The following PLEK2 variants were observed in gnomAD, a reference collection of about 807,000 sequenced individuals.
PLEK2 encodes the protein pleckstrin 2.
Under a neutral mutation model 43.8 loss-of-function variants are expected in PLEK2, and 29 were observed. The ratio of observed to expected loss-of-function variants is 0.66; its 90% CI spans 0.49 to 0.90. PLEK2 has a LOEUF of 0.90. Among genes scored for constraint, PLEK2 ranks in the 40% least tolerant of loss-of-function variants. The probability of loss-of-function intolerance (pLI) is 0.00; values close to 1 mark genes in which losing one functional copy is unlikely to be tolerated. For missense variants in PLEK2, 398 were observed against 448.1 expected (o/e 0.89, Z 1.01); for synonymous variants, 162 against 173.2 (o/e 0.94, Z 0.51).
rs370905451 is a variant in PLEK2 at position 67,388,302 on chromosome 14, C to T, written c.856G>A (p.Glu286Lys). 1.9e-6 allele frequency: 3 copies of T among 1,606,660 alleles called. No homozygotes were observed. The highest frequency in any genetic ancestry group is 2.6e-6 in the Non-Finnish European group (3 of 1,173,228). ...AFLHYYDPSK[E>K]ENRPVGGFSL... is the part of the protein sequence containing the mutation. ...AACCCACCCACTGGCCTGTTCTCTT[C>T]CTGTAGAGGAAAGGAGACCCAATTA... Residue 286 changes from glutamate (E) to lysine (K), a missense_variant and splice_region_variant, in exon 8 of 9, where the codon GAA (glutamate) becomes AAA (lysine). By Grantham distance (56) the Glu-to-Lys change is moderately conservative. Coordinates refer to ENST00000216446, the MANE Select transcript of PLEK2 (RefSeq NM_016445.3).
chr14:67,389,881 G>T (rs1239678184), intron 7 of PLEK2, among the ~76,000 whole-genome samples: 3 of 151,796 alleles, frequency 2.0e-5, no homozygotes, highest in Non-Finnish European at 4.4e-5. Context: ...CCTGTAGCCA[G>T]GCCACCATGC....
intron 7 of PLEK2, among the ~76,000 whole-genome samples, chr14:67,390,037 T>G (rs1417908823): frequency 1.3e-5 from 2 of 152,214 alleles, no homozygotes; most frequent in East Asian, 1.9e-4. Flanking sequence ...CAACAAAAAC[T>G]AATGAAAGTC....
chr14:67,411,537 C>T (rs1458655173), intron 1 of PLEK2, among the ~76,000 whole-genome samples: 1 of 152,156 alleles, frequency 6.6e-6, no homozygotes, highest in African/African-American at 2.4e-5. Context: ...TCCCTAACTC[C>T]TCTGGGCTTC....
intron 7 of PLEK2, among the ~76,000 whole-genome samples, chr14:67,389,396 A>T (rs1416899742): frequency 6.6e-6 from 1 of 152,134 alleles, no homozygotes; most frequent in African/African-American, 2.4e-5. Context: ...CAGCCTAAAC[A>T]GGAGGAAGAG....
rs773329984 is a variant in PLEK2, at chr14:67,387,299, G to A, written c.*30C>T. ...CTCTTGTCTGTGTCATCTGGTAGGA[G>A]GGAGGAATCCTGGTTCCCTCAGGTC... On this transcript the variant is annotated 3_prime_UTR_variant, in exon 9 of 9. Transcript: ENST00000216446. The A allele has an allele frequency of 1.9e-6, 3 of 1,591,652 alleles. No individual in the cohort carries two copies. The highest frequency in any genetic ancestry group is 3.7e-5 in the Admixed American group (2 of 54,214).
intron 7 of PLEK2, among the ~76,000 whole-genome samples, chr14:67,389,616 GTATT>G (rs2085952628): frequency 6.6e-6 from 1 of 151,974 alleles, no homozygotes. Flanking sequence ...ACATGTATAT[GTATT>G]TATAGATAGG....
In PLEK2 at chr14:67,395,525, C is replaced by T. The variant is rs141972325; in HGVS notation, c.266G>A (p.Arg89Gln). The T allele has an allele frequency of 1.8e-3, 2,961 of 1,614,154 alleles. 11 individuals carry two copies. The highest frequency in any genetic ancestry group is 1.7e-3 in the Non-Finnish European group (1,956 of 1,180,002). The change falls in exon 3 of 9, where the codon CGA becomes CAA. Residue 89 changes from arginine to glutamine, a missense_variant. Arg to Gln is a conservative substitution (Grantham distance 43, BLOSUM62 1). Coordinates refer to ENST00000216446, the MANE Select transcript of PLEK2 (RefSeq NM_016445.3). ...AAAGGCCCAGGCATCCCGCTCCTCT[C>T]GAGAACAGGCCTCCAGGAAGTACTC... is the stretch of plus-strand genomic sequence containing the variant. The part of the protein sequence containing the change: ...STEYFLEACS[R>Q]EERDAWAFEI...
intron 1 of PLEK2, among the ~76,000 whole-genome samples, chr14:67,407,073 A>G (rs2086083671): frequency 6.6e-6 from 1 of 152,118 alleles, no homozygotes; most frequent in Admixed American, 6.5e-5. Flanking sequence ...TGAGACACAG[A>G]ATGTTACAGC....
At position 67,392,434 on chromosome 14, in the gene PLEK2, G is replaced by A; in HGVS notation, c.670-7C>T. On this transcript the variant is annotated splice_region_variant and splice_polypyrimidine_tract_variant and intron_variant, in intron 5 of 8. Transcript: ENST00000216446. ...TCTTTTTGTAGCTCTCAGCCTAGGGGGAAGGAGGGAGCAAGGACTCTGCTA... is the reference window on the plus strand; with the variant it reads ...TCTTTTTGTAGCTCTCAGCCTAGGGAGAAGGAGGGAGCAAGGACTCTGCTA... The A allele has an allele frequency of 6.3e-7, 1 of 1,598,798 alleles. No individual in the cohort carries two copies. The highest frequency in any genetic ancestry group is 1.3e-5 in the African/African-American group (1 of 74,744).
chr14:67,391,065 T>C (rs572775033), intron 6 of PLEK2, among the ~76,000 whole-genome samples: 1 of 152,226 alleles, frequency 6.6e-6, no homozygotes, highest in South Asian at 2.1e-4. Flanking sequence ...AGGTGTCAGC[T>C]GGGCTGGGAG....
At chr14:67,410,660 A>T (rs943853560) in intron 1 of PLEK2, among the ~76,000 whole-genome samples, 10 of 152,216 alleles carry the variant, frequency 6.6e-5, no homozygotes, top group African/African-American at 2.2e-4. Context: ...TTTGTGGGGA[A>T]AATGAAAGTG....
intron 1 of PLEK2, among the ~76,000 whole-genome samples, chr14:67,409,770 C>T (rs942705540): frequency 1.3e-5 from 2 of 152,320 alleles, no homozygotes; most frequent in South Asian, 2.1e-4. Flanking sequence ...CAGGCCCTGC[C>T]CCACCTCTGA....
intron 6 of PLEK2, among the ~76,000 whole-genome samples, chr14:67,392,041 G>C (rs1342564306): frequency 1.3e-5 from 2 of 152,176 alleles, no homozygotes; most frequent in African/African-American, 4.8e-5. Context: ...TGTGAAGCTG[G>C]GCAATTGTGT....
Position 67,395,502 on chromosome 14 carries a change from A to C in PLEK2, c.289T>G (p.Phe97Val). ...GCATGAATAGCCCCGGTGATCTCAAAGGCCCAGGCATCCCGCTCCTCTCGA... is the reference window on the plus strand; with the variant it reads ...GCATGAATAGCCCCGGTGATCTCAACGGCCCAGGCATCCCGCTCCTCTCGA... Reference protein sequence around the residue: ...CSREERDAWAFEITGAIHAGQ... With the variant: ...CSREERDAWAVEITGAIHAGQ... The change falls in exon 3 of 9, where the codon TTT becomes GTT. Residue 97 changes from phenylalanine (F) to valine (V), a missense_variant. By Grantham distance (50) the Phe-to-Val change is conservative. Coordinates refer to ENST00000216446, the MANE Select transcript of PLEK2 (RefSeq NM_016445.3). The C allele has an allele frequency of 6.2e-7, 1 of 1,614,092 alleles. No individual in the cohort carries two copies.
At chr14:67,411,939 G>A (rs2086117909) in intron 1 of PLEK2, 79 bp downstream of exon 1, 1 of 1,300,290 alleles carries the variant, frequency 7.7e-7, no homozygotes, top group Non-Finnish European at 1.1e-6. Context: ...GTTCCGGGGC[G>A]CGCGTCTGGC....
intron 6 of PLEK2, among the ~76,000 whole-genome samples, chr14:67,391,269 A>ATATG (rs1555348788): frequency 7.2e-6 from 1 of 139,568 alleles, no homozygotes; most frequent in Admixed American, 7.2e-5. Context: ...TAAGCAGCTG[A>ATATG]TATGTGTGTG....
In PLEK2 at chr14:67,390,713, A is replaced by C; in HGVS notation, c.805T>G (p.Phe269Val). Residue 269 changes from phenylalanine (F) to valine (V), a missense_variant, in exon 7 of 9, where the codon TTT becomes GTT. Transcript: ENST00000216446. ...AAAGCTGGATCCTTCCTTAGAACAA[A>C]GCGACGCACCTTCCAGTTTTTCCTC... is the stretch of plus-strand genomic sequence containing the variant. ...HKRKNWKVRR[F>V]VLRKDPAFLH... 1 of 1,613,818 alleles carries C rather than the reference A, an allele frequency of 6.2e-7. No individual in the cohort carries two copies. Among genetic ancestry groups the C allele is most frequent in the Middle Eastern group, 1.6e-4 (1 of 6,062 alleles).
At chr14:67,390,641 T>G (rs144802923) in intron 7 of PLEK2, 22 bp downstream of exon 7, 23,354 of 1,551,616 alleles carry the variant, frequency 0.015, 214 homozygotes, top group Non-Finnish European at 0.018. Context: ...GGGACCAACA[T>G]GGAGCCAGCA....
intron 6 of PLEK2, among the ~76,000 whole-genome samples, chr14:67,391,269 ATATGTG>A (rs997575905): frequency 3.6e-5 from 5 of 139,646 alleles, no homozygotes; most frequent in East Asian, 2.1e-4. Flanking sequence ...TAAGCAGCTG[ATATGTG>A]TGTGTGTGTG....
Sources: allele counts gnomAD v4.1 joint callset (sites outside exome capture counted in the v4.1 genomes callset), GRCh38; gene constraint gnomAD v4.1.1; transcripts MANE v1.5; gene names NCBI Gene and HGNC (gene_info 2026-07-23, HGNC 2026-07-21).